Variants in CLASP2 observed in about 807,000 individuals in gnomAD.
CLASP2 encodes cytoplasmic linker associated protein 2, also known as CLIP-associating protein 2.
A neutral mutation model predicts 194.4 loss-of-function variants in CLASP2; 47 were observed. The observed-to-expected ratio is 0.24, with a 90% CI of 0.19 to 0.31. CLASP2 has a LOEUF of 0.31. Among genes scored for constraint, CLASP2 ranks in the 10% least tolerant of loss-of-function variants. The probability of loss-of-function intolerance (pLI) is 1.00; values close to 1 mark genes in which losing one functional copy is unlikely to be tolerated. For synonymous variants in CLASP2, 619 were observed against 633.5 expected (o/e 0.98, Z 0.34); for missense variants, 1,445 against 1,823.6 (o/e 0.79, Z 3.78).
At chr3:33,638,599 C>A (rs935106179) in intron 8 of CLASP2, among the ~76,000 whole-genome samples, 3 of 152,230 alleles carry the variant, frequency 2.0e-5, no homozygotes, top group African/African-American at 7.2e-5. Context: ...AGCCACCACA[C>A]CCGGCCTCAA....
Position 33,551,331 on chromosome 3 carries a change from A to C in CLASP2, c.3074T>G (p.Ile1025Arg). The part of the protein sequence containing the change: ...LAKQMDPGDF[I>R]NSSETRLAVS... ...TGCTAGGCGAGTTTCACTGGAATTT[A>C]TAAAATCTCCTGGATCCATCTGTTT... Residue 1025 changes from isoleucine (I) to arginine (R), a missense_variant, in exon 30 of 39, where the codon ATA becomes AGA. Coordinates refer to ENST00000682230, the MANE Select transcript of CLASP2 (RefSeq NM_001365631.1). 1 of 1,613,902 alleles carries C rather than the reference A, an allele frequency of 6.2e-7. No individual in the cohort carries two copies. The highest frequency in any genetic ancestry group is 1.1e-5 in the South Asian group (1 of 91,068).
intron 7 of CLASP2, among the ~76,000 whole-genome samples, chr3:33,651,817 G>A (rs1310218891): frequency 3.3e-5 from 5 of 151,710 alleles, no homozygotes; most frequent in Admixed American, 6.6e-5. Flanking sequence ...GCACCACCAC[G>A]GCCAGCTAAT....
chr3:33,497,124 G>T lies in CLASP2; in HGVS notation c.*1507C>A, dbSNP rs2045894526. ...TACAGGTAGAGGGAGAGGATATAGA[G>T]AAACTTTTCCTGCTGCTAGAACAGA... On this transcript the variant is annotated 3_prime_UTR_variant, in exon 39 of 39. Coordinates refer to ENST00000682230, the MANE Select transcript of CLASP2 (RefSeq NM_001365631.1). The T allele has an allele frequency of 6.6e-6, 1 of 152,526 alleles. No homozygotes were observed. The highest frequency in any genetic ancestry group is 1.5e-5 in the Non-Finnish European group (1 of 67,978). The allele number at this position is 152,526 out of a possible 1,614,324, so 9.4% of individuals were successfully genotyped here.
At chr3:33,535,904 A>C (rs1423069333) in intron 33 of CLASP2, among the ~76,000 whole-genome samples, 1 of 152,064 alleles carries the variant, frequency 6.6e-6, no homozygotes, top group Non-Finnish European at 1.5e-5. Context: ...ATCAAATTTA[A>C]AAAGGCTTGC....
At chr3:33,630,287 A>C (rs530425629) in intron 9 of CLASP2, among the ~76,000 whole-genome samples, 3 of 152,322 alleles carry the variant, frequency 2.0e-5, no homozygotes, top group African/African-American at 7.2e-5. Context: ...TAAGATGAGG[A>C]AACTGAAGTA....
intron 8 of CLASP2, among the ~76,000 whole-genome samples, chr3:33,638,552 C>G (rs1345357317): frequency 6.6e-6 from 1 of 152,142 alleles, no homozygotes; most frequent in Non-Finnish European, 1.5e-5. Context: ...GTTAGCCGCC[C>G]GCCTAGGCCT....
At chr3:33,616,003 C>T (rs1051033233) in intron 12 of CLASP2, among the ~76,000 whole-genome samples, 1 of 148,620 alleles carries the variant, frequency 6.7e-6, no homozygotes, top group Non-Finnish European at 1.5e-5. Flanking sequence ...AAAGATATAC[C>T]ACAAAAATCT....
chr3:33,606,753 T>A lies in CLASP2; in HGVS notation c.1532A>T (p.Tyr511Phe). ...AGGAAAGTGGTTTCTAAGACCCATG[T>A]ATGTCCTGTTAAAAAAAAAGAAAAG... ...AEARVEARKT[Y>F]MGLRNHFPGE... The change falls in exon 16 of 39, where the codon TAC becomes TTC. Residue 511 changes from tyrosine (Y) to phenylalanine (F), a missense_variant. Tyr to Phe is a conservative substitution (Grantham distance 22). Around this residue, in one of 4 missense-constraint regions of CLASP2, gnomAD observed 207 missense variants for 331.4 expected, o/e 0.62. Coordinates refer to ENST00000682230, the MANE Select transcript of CLASP2 (RefSeq NM_001365631.1). 6.3e-7 allele frequency: 1 copy of A among 1,593,706 alleles called. No individual in the cohort carries two copies. Among genetic ancestry groups the A allele is most frequent in the Non-Finnish European group, 8.5e-7 (1 of 1,172,678 alleles).
chr3:33,502,316 AAAT>A (rs1427572419), intron 37 of CLASP2: 1 of 152,410 alleles, frequency 6.6e-6, no homozygotes, highest in African/African-American at 2.4e-5. Flanking sequence ...TCTAATTGAC[AAAT>A]AATAATTGTA....
chr3:33,616,264 A>T (rs2076145128), intron 12 of CLASP2, among the ~76,000 whole-genome samples: 1 of 152,108 alleles, frequency 6.6e-6, no homozygotes, highest in South Asian at 2.1e-4. Context: ...ATTTCAAAAT[A>T]AAAGATTCAA....
At chr3:33,619,788 G>A in intron 11 of CLASP2, 50 bp from the exon 12 acceptor site, 2 of 1,388,428 alleles carry the variant, frequency 1.4e-6, no homozygotes, top group Non-Finnish European at 1.9e-6. Flanking sequence ...ATTAAATATA[G>A]ATAGAACCAT....
intron 34 of CLASP2, among the ~76,000 whole-genome samples, chr3:33,529,984 C>CAA (rs1169927619): frequency 0.34 from 10,933 of 32,124 alleles, 3,327 homozygotes; most frequent in Non-Finnish European, 0.46. Context: ...GACTCCGTCT[C>CAA]AAAAAAAAAA....
chr3:33,562,163 A>G (rs1210610349), intron 27 of CLASP2, among the ~76,000 whole-genome samples: 2 of 152,216 alleles, frequency 1.3e-5, no homozygotes, highest in Admixed American at 6.5e-5. Flanking sequence ...TATACCTGTA[A>G]CAGCAGAAAC....
At chr3:33,709,961 A>T (rs2092920757) in intron 1 of CLASP2, among the ~76,000 whole-genome samples, 1 of 152,222 alleles carries the variant, frequency 6.6e-6, no homozygotes, top group Non-Finnish European at 1.5e-5. Flanking sequence ...TAATTTTTTT[A>T]AAAGAACATA....
chr3:33,640,663 T>C (rs2081115881), intron 8 of CLASP2, among the ~76,000 whole-genome samples: 1 of 152,142 alleles, frequency 6.6e-6, no homozygotes, highest in African/African-American at 2.4e-5. Context: ...GTACTAGTTA[T>C]TTTAAAAATG....
intron 34 of CLASP2, among the ~76,000 whole-genome samples, chr3:33,532,581 C>G (rs907638117): frequency 1.3e-5 from 2 of 152,068 alleles, no homozygotes; most frequent in African/African-American, 4.8e-5. Context: ...ATTGGGACAG[C>G]TGGCAAAATT....
intron 27 of CLASP2, among the ~76,000 whole-genome samples, chr3:33,565,482 A>G (rs565745105): frequency 6.6e-6 from 1 of 152,214 alleles, no homozygotes; most frequent in East Asian, 1.9e-4. Context: ...CACCTGGCTA[A>G]TAACATTTTA....
At chr3:33,523,000 C>T (rs1483289714) in intron 34 of CLASP2, among the ~76,000 whole-genome samples, 1 of 152,160 alleles carries the variant, frequency 6.6e-6, no homozygotes, top group Non-Finnish European at 1.5e-5. Context: ...GGCACGAACC[C>T]AGGAGGCGGA....
At chr3:33,580,564 AAAC>A (rs540416059) in intron 23 of CLASP2, among the ~76,000 whole-genome samples, 15 of 151,980 alleles carry the variant, frequency 9.9e-5, no homozygotes, top group East Asian at 5.8e-4. Flanking sequence ...CTCCACCTCA[AAAC>A]AACAACAACA....
Sources: allele counts gnomAD v4.1 joint callset (sites outside exome capture counted in the v4.1 genomes callset), GRCh38; gene constraint gnomAD v4.1.1; regional missense constraint gnomAD v4.1.1; transcripts MANE v1.5; gene names NCBI Gene and HGNC (gene_info 2026-07-23, HGNC 2026-07-21).